Variants in XG observed in about 807,000 individuals in gnomAD.
XG encodes Xg glycoprotein (Xg blood group).
XG carries 24 observed loss-of-function variants against 25.7 expected under a neutral mutation model. The observed-to-expected ratio is 0.93, with a 90% CI of 0.68 to 1.31. XG has a LOEUF of 1.31. Among genes scored for constraint, XG ranks in the 40% most tolerant of loss-of-function variants. The probability of loss-of-function intolerance (pLI) is 0.00; values close to 1 mark genes in which losing one functional copy is unlikely to be tolerated. For missense variants in XG, 181 were observed against 187.6 expected (o/e 0.96, Z 0.21); for synonymous variants, 77 against 69.2 (o/e 1.11, Z -0.56).
rs142552390 is a variant in XG, at chrX:2,774,958, C to G, written c.127+219C>G. On this transcript the variant is annotated intron_variant, in intron 3 of 10. Transcript: ENST00000644266. The stretch of plus-strand genomic sequence containing the variant: ...TCGTCCCCACTGAGATGGCTAAAAT[C>G]TAAAATGGAAAATAACAAGTGTTGG... 1.1e-3 allele frequency: 678 copies of G among 606,172 alleles called. 8 individuals carry two copies. The highest frequency in any genetic ancestry group is 0.011 in the African/African-American group (584 of 53,922). The allele number at this position is 606,172 out of a possible 1,614,324, so 37.5% of individuals were successfully genotyped here.
intron 3 of XG, among the ~76,000 whole-genome samples, chrX:2,775,721 C>T (rs1462486224): frequency 1.3e-5 from 2 of 151,778 alleles, no homozygotes; most frequent in Admixed American, 6.6e-5. Flanking sequence ...TTTGAAAGGC[C>T]GAGGTGGGCA....
At chrX:2,800,708 C>A (rs1261038421) in intron 7 of XG, among the ~76,000 whole-genome samples, 10 of 111,698 alleles carry the variant, frequency 9.0e-5, no homozygotes, top group African/African-American at 3.3e-4. Flanking sequence ...CTACTTTTGG[C>A]CGGGCATGGT....
Position 2,789,644 on chromosome X carries a change from A to T in XG, c.191A>T (p.Asn64Ile). 2.6e-6 allele frequency: 3 copies of T among 1,164,267 alleles called. No individual in the cohort carries two copies. Among genetic ancestry groups the T allele is most frequent in the Non-Finnish European group, 3.5e-6 (3 of 868,328 alleles). The change falls in exon 5 of 11, where the codon AAT becomes ATT. Residue 64 changes from asparagine to isoleucine, a missense_variant and splice_region_variant. Asn to Ile is a moderately radical substitution (Grantham distance 149, BLOSUM62 -3). Coordinates refer to ENST00000644266, the MANE Select transcript of XG (RefSeq NM_001141919.2). ...PQPENPDSGG[N>I]IYPRPKPRPQ... Reference sequence around the variant, plus strand: ...AAATCATACTGTTGTTTTCCAACAGATATCTACCCAAGGCCAAAGCCACGC... The same window carrying T: ...AAATCATACTGTTGTTTTCCAACAGTTATCTACCCAAGGCCAAAGCCACGC...
intron 7 of XG, among the ~76,000 whole-genome samples, chrX:2,805,864 G>A (rs1481401399): frequency 9.0e-6 from 1 of 111,715 alleles, no homozygotes; most frequent in East Asian, 2.8e-4. Context: ...CTGGGGGTTA[G>A]GACTGCGACC....
intron 1 of XG, among the ~76,000 whole-genome samples, chrX:2,757,577 C>G (rs924070251): frequency 3.9e-5 from 6 of 151,920 alleles, no homozygotes; most frequent in Non-Finnish European, 8.8e-5. Context: ...TGAGTACTTC[C>G]TGTTGAGTAA....
intron 2 of XG, among the ~76,000 whole-genome samples, chrX:2,771,459 C>G (rs1290576827): frequency 6.6e-6 from 1 of 152,184 alleles, no homozygotes; most frequent in African/African-American, 2.4e-5. Flanking sequence ...TCAGCTAGAA[C>G]CTTTCTGGCT....
At chrX:2,782,216 T>G in intron 4 of XG, 88 bp downstream of exon 4, 1 of 1,038,497 alleles carries the variant, frequency 9.6e-7, no homozygotes, top group Non-Finnish European at 1.3e-6. Context: ...CCTGGTTGCA[T>G]TTGAAATATG....
intron 6 of XG, among the ~76,000 whole-genome samples, chrX:2,796,106 TA>T (rs1185960196): frequency 9.3e-6 from 1 of 107,142 alleles, no homozygotes; most frequent in Non-Finnish European, 1.9e-5. Flanking sequence ...TATATATCTT[TA>T]TATGTACATA....
At chrX:2,759,720 AG>A (rs1208953843) in intron 1 of XG, among the ~76,000 whole-genome samples, 85 of 152,294 alleles carry the variant, frequency 5.6e-4, no homozygotes, top group African/African-American at 1.9e-3. Context: ...CCTTCCTGTG[AG>A]GGCCCCCCTC....
intron 1 of XG, among the ~76,000 whole-genome samples, chrX:2,764,959 C>T (rs769567429): frequency 5.6e-5 from 8 of 142,018 alleles, no homozygotes; most frequent in African/African-American, 1.6e-4. Flanking sequence ...TAGAAGCGCT[C>T]GAACCAGGGA....
intron 1 of XG, chrX:2,752,783 C>T (rs1452782287): frequency 2.9e-5 from 9 of 308,196 alleles, no homozygotes; most frequent in Non-Finnish European, 3.8e-5. Context: ...ATTCGTTTGC[C>T]GGAAGGGTTG....
intron 4 of XG, 78 bp downstream of exon 4, chrX:2,782,206 C>A (rs2086736464): frequency 1.8e-6 from 2 of 1,090,798 alleles, no homozygotes; most frequent in Non-Finnish European, 2.5e-6. Flanking sequence ...GCAGGTTTAG[C>A]CTGGTTGCAT....
chrX:2,765,151 G>T (rs181550275), intron 1 of XG, among the ~76,000 whole-genome samples: 34 of 149,488 alleles, frequency 2.3e-4, no homozygotes, highest in African/African-American at 6.9e-4. Context: ...TTTGAGACCA[G>T]CCTGGCCAAC....
chrX:2,779,867 G>A (rs1380525471), intron 3 of XG, among the ~76,000 whole-genome samples: 2 of 151,910 alleles, frequency 1.3e-5, no homozygotes, highest in African/African-American at 2.4e-5. Context: ...GGCTGGTTTC[G>A]AACTCCTGAC....
chrX:2,808,109 C>T, intron 8 of XG, 76 bp from the exon 9 acceptor site: 1 of 1,114,161 alleles, frequency 9.0e-7, no homozygotes, highest in East Asian at 3.0e-5. Flanking sequence ...ACAGTCGCAT[C>T]CTCAACAGTG....
At position 2,771,595 on chromosome X, in the gene XG, G is replaced by A. The variant is rs112029755; in HGVS notation, c.103+1004G>A. ...GGAGAAAGGGAAAGATTTGGTTTCT[G>A]ATGCAGGCACAATGGAACCAAACAT... On this transcript the variant is annotated intron_variant, in intron 2 of 10. Coordinates refer to ENST00000644266, the MANE Select transcript of XG (RefSeq NM_001141919.2). 2.4e-3 allele frequency among the ~76,000 whole-genome samples: 373 copies of A among 152,332 alleles called. 1 individual carries two copies. Among genetic ancestry groups the A allele is most frequent in the African/African-American group, 8.7e-3 (360 of 41,578 alleles).
In XG at chrX:2,807,929, A is replaced by G. The variant is rs764852197; in HGVS notation, c.419-256A>G. 5.4e-5 allele frequency among the ~76,000 whole-genome samples: 6 copies of G among 111,623 alleles called. No individual in the cohort carries two copies. In the South Asian group the frequency reaches 1.5e-3, roughly 28 times the overall value. ...CATGCGCATGTATGTAGACTCTCCA[A>G]TCCTGAAATTAAAGCTGCATCTCCC... On this transcript the variant is annotated intron_variant, in intron 8 of 10. Transcript: ENST00000644266.
At chrX:2,774,940 C>T in intron 3 of XG, 1 of 648,306 alleles carries the variant, frequency 1.5e-6, no homozygotes, top group Admixed American at 2.8e-5. Flanking sequence ...ACTTCGTCCC[C>T]ACTGAGATGG....
At chrX:2,812,522 G>C (rs1357925656) in intron 10 of XG, among the ~76,000 whole-genome samples, 2 of 111,066 alleles carry the variant, frequency 1.8e-5, no homozygotes, top group Non-Finnish European at 3.8e-5. Flanking sequence ...AACCAGAAAG[G>C]GGTGCCCATT....
Sources: gnomAD v4.1 joint callset for allele counts (sites outside exome capture counted in the v4.1 genomes callset) on GRCh38, gnomAD v4.1.1 for gene constraint, MANE v1.5 for transcripts, NCBI Gene and HGNC (gene_info 2026-07-23, HGNC 2026-07-21) for gene names.